PDE10A: variants seen among roughly 807,000 people sequenced by gnomAD.
PDE10A encodes the protein phosphodiesterase 10A, also known as cAMP and cAMP-inhibited cGMP 3',5'-cyclic phosphodiesterase 10A.
PDE10A carries 39 observed loss-of-function variants against 97.7 expected under a neutral mutation model. The observed-to-expected ratio is 0.40, with a 90% confidence interval of 0.31 to 0.52. The LOEUF (loss-of-function observed/expected upper bound fraction) is 0.52. PDE10A is among the 20% of genes least tolerant of loss of function. The probability of loss-of-function intolerance (pLI) is 0.56; values close to 1 mark genes in which losing one functional copy is unlikely to be tolerated. For missense variants in PDE10A, 731 were observed against 1,047.8 expected (o/e 0.70, Z 4.17); for synonymous variants, 371 against 376.8 (o/e 0.98, Z 0.18).
At chr6:165,794,154 C>G (rs1010621457) in intron 1 of PDE10A, among the ~76,000 whole-genome samples, 2 of 151,500 alleles carry the variant, frequency 1.3e-5, no homozygotes, top group Non-Finnish European at 2.9e-5. Flanking sequence ...CTCACACACA[C>G]TCACTGCACA....
intron 1 of PDE10A, among the ~76,000 whole-genome samples, chr6:165,580,530 G>C (rs1188569298): frequency 6.6e-6 from 1 of 152,210 alleles, no homozygotes; most frequent in African/African-American, 2.4e-5. Context: ...CGTTAGTGAG[G>C]ACAATTAGTT....
intron 1 of PDE10A, among the ~76,000 whole-genome samples, chr6:165,645,602 C>T (rs1005184874): frequency 2.6e-5 from 4 of 152,002 alleles, no homozygotes; most frequent in African/African-American, 7.2e-5. Flanking sequence ...GCCTGTAATC[C>T]CAGCACTTTG....
intron 1 of PDE10A, among the ~76,000 whole-genome samples, chr6:165,562,842 C>T (rs368729548): frequency 1.0e-3 from 153 of 152,208 alleles, no homozygotes; most frequent in African/African-American, 3.4e-3. Context: ...CTGGCAATGT[C>T]TGCTGACATT....
intron 1 of PDE10A, among the ~76,000 whole-genome samples, chr6:165,979,317 G>A (rs1356336525): frequency 2.0e-5 from 3 of 152,148 alleles, no homozygotes; most frequent in African/African-American, 7.2e-5. Context: ...GAAGCAGAAG[G>A]GGAAGGGGAA....
intron 1 of PDE10A, among the ~76,000 whole-genome samples, chr6:165,702,350 A>G (rs1479622661): frequency 6.6e-6 from 1 of 152,222 alleles, no homozygotes; most frequent in Non-Finnish European, 1.5e-5. Flanking sequence ...CTTGTTCCCC[A>G]GGTGCTGACA....
intron 1 of PDE10A, among the ~76,000 whole-genome samples, chr6:165,580,285 G>A (rs1785541605): frequency 6.6e-6 from 1 of 152,154 alleles, no homozygotes; most frequent in African/African-American, 2.4e-5. Flanking sequence ...CCTGAGCTGA[G>A]CCTTAATGAG....
At chr6:165,474,249 C>T (rs1402466302) in intron 3 of PDE10A, among the ~76,000 whole-genome samples, 2 of 152,200 alleles carry the variant, frequency 1.3e-5, no homozygotes, top group African/African-American at 4.8e-5. Context: ...AGTTAAGGAA[C>T]TTCTACCATC....
chr6:165,662,052 C>A lies in PDE10A; in HGVS notation c.760G>T (p.Ala254Ser). 2.1e-6 allele frequency: 3 copies of A among 1,457,692 alleles called. No homozygotes were observed. The highest frequency in any genetic ancestry group is 1.3e-5 in the South Asian group (1 of 75,704). The allele number at this position is 1,457,692 out of a possible 1,614,324, so 90.3% of individuals were successfully genotyped here. The change falls in exon 1 of 22, where the codon GCC becomes TCC. Residue 254 changes from alanine (A) to serine (S), a missense_variant. Physicochemically the swap from Ala to Ser is moderately conservative, Grantham distance 99 (BLOSUM62 1). This residue lies in a region of PDE10A where 181 missense variants were observed against 159.1 expected (regional missense o/e 1.14). Coordinates refer to ENST00000539869, the MANE Select transcript of PDE10A (RefSeq NM_001385079.1). Reference protein sequence around the residue: ...TPRRPQGASFALAAAAALLFG... With the variant: ...TPRRPQGASFSLAAAAALLFG... ...AGCAGCGCGGCCGCGGCGGCGAGGGCGAAGCTGGCGCCCTGGGGACGCCGC... is the reference window on the plus strand; with the variant it reads ...AGCAGCGCGGCCGCGGCGGCGAGGGAGAAGCTGGCGCCCTGGGGACGCCGC...
intron 1 of PDE10A, among the ~76,000 whole-genome samples, chr6:165,778,616 C>CTT: frequency 6.6e-6 from 1 of 152,306 alleles, no homozygotes. Context: ...TTTTGCTTTA[C>CTT]TGAATACACA....
chr6:165,778,880 GA>G (rs1440152041), intron 1 of PDE10A, among the ~76,000 whole-genome samples: 4 of 151,880 alleles, frequency 2.6e-5, no homozygotes, highest in Non-Finnish European at 5.9e-5. Flanking sequence ...GTCTTTTTTA[GA>G]AATTGATTTT....
Position 165,460,595 on chromosome 6 carries a change from G to A in PDE10A, c.1024-10233C>T, listed in dbSNP as rs112948227. 3.0e-3 allele frequency among the ~76,000 whole-genome samples: 450 copies of A among 152,272 alleles called. 2 individuals carry two copies. Among genetic ancestry groups the A allele is most frequent in the African/African-American group, 0.01 (419 of 41,562 alleles). On this transcript the variant is annotated intron_variant, in intron 3 of 21. Coordinates refer to ENST00000539869, the MANE Select transcript of PDE10A (RefSeq NM_001385079.1). ...CATTTCTCTACAGCACTGGCCGTCC[G>A]ATTGGCCAATTCAACCCGCTCAATT...
intron 1 of PDE10A, among the ~76,000 whole-genome samples, chr6:165,569,850 AAG>A (rs1784965688): frequency 6.6e-6 from 1 of 152,216 alleles, no homozygotes; most frequent in Non-Finnish European, 1.5e-5. Flanking sequence ...TTAAGAGAAA[AAG>A]AAAAAAATTG....
chr6:165,689,985 A>C (rs1363499796), intron 1 of PDE10A, among the ~76,000 whole-genome samples: 1 of 151,368 alleles, frequency 6.6e-6, no homozygotes, highest in Non-Finnish European at 1.5e-5. Flanking sequence ...TAATTTCACC[A>C]TTTTTTTTTA....
chr6:165,855,517 A>G (rs12207154), intron 1 of PDE10A, among the ~76,000 whole-genome samples: 32,710 of 150,800 alleles, frequency 0.22, 3,984 homozygotes, highest in Non-Finnish European at 0.28. Context: ...CTGCACCCCC[A>G]CGCAGCCCGG....
chr6:165,496,033 T>C (rs1476164095), intron 2 of PDE10A, among the ~76,000 whole-genome samples: 1 of 151,818 alleles, frequency 6.6e-6, no homozygotes, highest in Non-Finnish European at 1.5e-5. Context: ...GGGAAGAGGA[T>C]AGGGAGCAGG....
intron 1 of PDE10A, among the ~76,000 whole-genome samples, chr6:165,872,281 T>G (rs1386004507): frequency 1.3e-5 from 2 of 152,232 alleles, no homozygotes; most frequent in Non-Finnish European, 2.9e-5. Flanking sequence ...TTTAAGTCAG[T>G]AGCCAGAAAC....
At chr6:165,658,329 G>C (rs747677085) in intron 1 of PDE10A, among the ~76,000 whole-genome samples, 1 of 152,110 alleles carries the variant, frequency 6.6e-6, no homozygotes, top group Non-Finnish European at 1.5e-5. Context: ...TTGAATATTT[G>C]GCAATCAACT....
At chr6:165,435,058 G>A (rs569621636) in intron 6 of PDE10A, among the ~76,000 whole-genome samples, 179 bp downstream of exon 6, 1 of 152,120 alleles carries the variant, frequency 6.6e-6, no homozygotes, top group East Asian at 1.9e-4. Context: ...GCTGTTAGTG[G>A]GTAAAGGGAA....
At chr6:165,965,874 G>A (rs1268662899) in intron 1 of PDE10A, among the ~76,000 whole-genome samples, 1 of 152,200 alleles carries the variant, frequency 6.6e-6, no homozygotes, top group Non-Finnish European at 1.5e-5. Context: ...AACAAACCAT[G>A]GTGGATGTTA....
Sources: allele counts gnomAD v4.1 joint callset (sites outside exome capture counted in the v4.1 genomes callset), GRCh38; gene constraint gnomAD v4.1.1; regional missense constraint gnomAD v4.1.1; transcripts MANE v1.5; gene names NCBI Gene and HGNC (gene_info 2026-07-23, HGNC 2026-07-21).